TENM3: variants seen among roughly 807,000 people sequenced by gnomAD.
TENM3 encodes the protein teneurin transmembrane protein 3.
Under a neutral mutation model 255.1 loss-of-function variants are expected in TENM3, and 63 were observed. That is an observed-to-expected ratio of 0.25 (90% CI 0.20 to 0.30). The LOEUF is 0.30. TENM3 is among the 10% of genes least tolerant of loss of function. TENM3 has a pLI of 1.00. For synonymous variants in TENM3, 1,306 were observed against 1,322.3 expected (o/e 0.99, Z 0.27); for missense variants, 2,929 against 3,461.1 (o/e 0.85, Z 3.86).
At chr4:182,561,264 TTATAAATA>T (rs1019645995) in intron 3 of TENM3, among the ~76,000 whole-genome samples, 5 of 151,692 alleles carry the variant, frequency 3.3e-5, no homozygotes, top group African/African-American at 1.2e-4. Context: ...AAATTTAAAA[TTATAAATA>T]TATAAATATG....
chr4:181,602,512 C>G, the TENM3 span, among the ~76,000 whole-genome samples: 1 of 152,128 alleles, frequency 6.6e-6, no homozygotes, highest in Non-Finnish European at 1.5e-5. Flanking sequence ...TAAGTCTAAA[C>G]TTGAAATGGA....
intron 3 of TENM3, among the ~76,000 whole-genome samples, chr4:182,436,536 C>A (rs1357346377): frequency 6.6e-6 from 1 of 152,196 alleles, no homozygotes; most frequent in Admixed American, 6.5e-5. Context: ...CGCCTTATTT[C>A]AAGTTGTTGA....
chr4:182,680,746 G>T lies in TENM3; in HGVS notation c.1834+9G>T. 1 of 1,536,622 alleles carries T rather than the reference G, an allele frequency of 6.5e-7. No individual in the cohort carries two copies. The highest frequency in any genetic ancestry group is 1.4e-5 in the African/African-American group (1 of 71,890). Reference sequence around the variant, plus strand: ...AGAAAGTTGTGAAGAAGGTAAACATGTCAATATTCACAGAAGTCTGTTGTT... The same window carrying T: ...AGAAAGTTGTGAAGAAGGTAAACATTTCAATATTCACAGAAGTCTGTTGTT... On this transcript the variant is annotated intron_variant, in intron 10 of 27. Coordinates refer to ENST00000511685, the MANE Select transcript of TENM3 (RefSeq NM_001080477.4).
chr4:182,075,581 C>T, the TENM3 span, among the ~76,000 whole-genome samples: 1 of 152,178 alleles, frequency 6.6e-6, no homozygotes, highest in Non-Finnish European at 1.5e-5. Context: ...AACTCTCCAA[C>T]TTCTTCTGTC....
At chr4:181,768,586 G>GT in the TENM3 span, among the ~76,000 whole-genome samples, 2 of 152,088 alleles carry the variant, frequency 1.3e-5, no homozygotes, top group Admixed American at 6.6e-5. Flanking sequence ...CAGAGTTTTA[G>GT]TTTTTTTCCC....
intron 3 of TENM3, among the ~76,000 whole-genome samples, chr4:182,577,329 A>G (rs1745039010): frequency 6.6e-6 from 1 of 152,210 alleles, no homozygotes; most frequent in Non-Finnish European, 1.5e-5. Context: ...TCATACTGGA[A>G]TTCCTAGGAC....
the TENM3 span, among the ~76,000 whole-genome samples, chr4:181,543,688 C>T: frequency 6.6e-6 from 1 of 152,128 alleles, no homozygotes. Context: ...TAAAACAGGC[C>T]CTGGCACCTC....
the TENM3 span, among the ~76,000 whole-genome samples, chr4:181,961,713 T>C: frequency 6.6e-6 from 1 of 152,208 alleles, no homozygotes; most frequent in Non-Finnish European, 1.5e-5. Context: ...TGTTTTTCAA[T>C]ATATCTAATA....
At chr4:182,324,745 T>G (rs1319816736) in intron 2 of TENM3, among the ~76,000 whole-genome samples, 3 of 152,240 alleles carry the variant, frequency 2.0e-5, no homozygotes, top group Admixed American at 6.5e-5. Flanking sequence ...CTCTGTCTGA[T>G]TCACACAAAA....
chr4:182,768,660 G>A (rs1466131238), intron 22 of TENM3, among the ~76,000 whole-genome samples: 2 of 152,142 alleles, frequency 1.3e-5, no homozygotes, highest in African/African-American at 4.8e-5. Flanking sequence ...GTGATTCTCC[G>A]AGGCATTTGT....
chr4:181,743,804 GA>G, the TENM3 span, among the ~76,000 whole-genome samples: 2 of 152,100 alleles, frequency 1.3e-5, no homozygotes, highest in African/African-American at 4.8e-5. Context: ...ATAATCTGAT[GA>G]ATATTTGTTT....
At chr4:182,045,987 A>C in the TENM3 span, among the ~76,000 whole-genome samples, 1 of 152,182 alleles carries the variant, frequency 6.6e-6, no homozygotes, top group African/African-American at 2.4e-5. Flanking sequence ...GGTCGAGGTC[A>C]CAGTGAACCA....
the TENM3 span, among the ~76,000 whole-genome samples, chr4:181,454,071 A>G: frequency 2.0e-5 from 3 of 152,208 alleles, no homozygotes; most frequent in Non-Finnish European, 4.4e-5. Flanking sequence ...CCAGGCTGAC[A>G]TTACCTGTTG....
At chr4:182,176,399 T>C (rs533009263) in intron 1 of TENM3, among the ~76,000 whole-genome samples, 23 of 152,334 alleles carry the variant, frequency 1.5e-4, no homozygotes, top group Admixed American at 4.6e-4. Flanking sequence ...CCTCATAGAT[T>C]TGTAATGAGG....
chr4:182,343,313 A>G (rs1480084973), intron 2 of TENM3, among the ~76,000 whole-genome samples: 1 of 152,194 alleles, frequency 6.6e-6, no homozygotes, highest in Non-Finnish European at 1.5e-5. Context: ...TCTGCTGATC[A>G]AGGTTACCAA....
intron 3 of TENM3, among the ~76,000 whole-genome samples, chr4:182,561,973 T>TAGATAGATAAAC (rs1743228651): frequency 7.1e-6 from 1 of 140,840 alleles, no homozygotes; most frequent in Non-Finnish European, 1.6e-5. Context: ...TATATCCAGA[T>TAGATAGATAAAC]AGATAGATAG....
chr4:182,752,088 A>AAAG (rs5864799), intron 20 of TENM3, 56 bp downstream of exon 20: 18 of 1,078,918 alleles, frequency 1.7e-5, no homozygotes, highest in South Asian at 9.0e-5. Flanking sequence ...AAAAAAAAAA[A>AAAG]GGGGTTGAAA....
At chr4:181,624,986 A>C in the TENM3 span, among the ~76,000 whole-genome samples, 6 of 152,234 alleles carry the variant, frequency 3.9e-5, no homozygotes, top group Non-Finnish European at 8.8e-5. Context: ...CAGAGCAACA[A>C]GAGGGAAAGA....
the TENM3 span, among the ~76,000 whole-genome samples, chr4:182,002,244 G>T: frequency 1.3e-5 from 2 of 151,934 alleles, no homozygotes; most frequent in African/African-American, 4.8e-5. Flanking sequence ...TCATTTATTG[G>T]TCTTTCACTA....
Sources: gnomAD v4.1 joint callset for allele counts (sites outside exome capture counted in the v4.1 genomes callset) on GRCh38, gnomAD v4.1.1 for gene constraint, MANE v1.5 for transcripts, NCBI Gene and HGNC (gene_info 2026-07-23, HGNC 2026-07-21) for gene names.